TRAPPC9: variants seen among roughly 807,000 people sequenced by gnomAD.
TRAPPC9 encodes the protein trafficking protein particle complex subunit 9, also known as IKK2 binding protein.
In TRAPPC9, 83 loss-of-function variants were observed where a neutral mutation model predicts 124.0. The observed-to-expected ratio is 0.67, with a 90% CI of 0.56 to 0.80. The LOEUF (loss-of-function observed/expected upper bound fraction) is 0.80. TRAPPC9 is among the 30% of genes least tolerant of loss of function. The pLI, the probability that TRAPPC9 is intolerant of heterozygous loss-of-function variation, is 0.00. For missense variants in TRAPPC9, 1,302 were observed against 1,508.3 expected (o/e 0.86, Z 2.27); for synonymous variants, 638 against 617.5 (o/e 1.03, Z -0.49).
chr8:140,135,179 GA>G, intron 17 of TRAPPC9, among the ~76,000 whole-genome samples: 1 of 152,284 alleles, frequency 6.6e-6, no homozygotes, highest in East Asian at 1.9e-4. Context: ...GTGCTGGGGG[GA>G]TGTCGAGAAA....
chr8:139,930,824 G>A (rs957686), intron 19 of TRAPPC9, among the ~76,000 whole-genome samples: 15,898 of 152,222 alleles, frequency 0.1, 1,752 homozygotes, highest in African/African-American at 0.28. Context: ...AGGCGAAAAC[G>A]GGGCCACCCA....
intron 3 of TRAPPC9, among the ~76,000 whole-genome samples, chr8:140,438,129 A>C (rs948035522): frequency 6.6e-6 from 1 of 152,170 alleles, no homozygotes; most frequent in Non-Finnish European, 1.5e-5. Flanking sequence ...TCACCCCAGA[A>C]AGAAACCTTA....
intron 2 of TRAPPC9, among the ~76,000 whole-genome samples, chr8:140,449,708 G>A (rs916362448): frequency 3.3e-5 from 5 of 152,170 alleles, no homozygotes; most frequent in Admixed American, 6.5e-5. Context: ...TGAGGAATTC[G>A]ACACTGTGGC....
At chr8:139,932,263 G>T (rs1197224043) in intron 19 of TRAPPC9, 1 of 453,548 alleles carries the variant, frequency 2.2e-6, no homozygotes, top group Non-Finnish European at 4.5e-6. Context: ...CCGCACCACG[G>T]GGCCTCGCTC....
chr8:139,750,094 G>C (rs752496794), intron 21 of TRAPPC9, among the ~76,000 whole-genome samples: 3 of 152,166 alleles, frequency 2.0e-5, no homozygotes, highest in African/African-American at 7.2e-5. Flanking sequence ...GCTGGATACA[G>C]GAGGGTCCAC....
At chr8:140,239,645 C>G (rs981920332) in intron 16 of TRAPPC9, among the ~76,000 whole-genome samples, 1 of 152,192 alleles carries the variant, frequency 6.6e-6, no homozygotes, top group African/African-American at 2.4e-5. Flanking sequence ...ACACCTACAC[C>G]AACACACCGT....
intron 21 of TRAPPC9, among the ~76,000 whole-genome samples, chr8:139,827,627 G>A (rs907646427): frequency 1.3e-5 from 2 of 152,228 alleles, no homozygotes; most frequent in South Asian, 2.1e-4. Context: ...CTGCGTGCCC[G>A]CACGTGACTG....
intron 19 of TRAPPC9, among the ~76,000 whole-genome samples, chr8:139,985,252 C>T (rs1418301529): frequency 6.6e-6 from 1 of 152,220 alleles, no homozygotes; most frequent in African/African-American, 2.4e-5. Context: ...GTCAAGCTTA[C>T]TATACAGGAC....
intron 14 of TRAPPC9, among the ~76,000 whole-genome samples, chr8:140,276,932 G>A (rs1057455300): frequency 3.9e-5 from 6 of 152,058 alleles, no homozygotes; most frequent in African/African-American, 9.7e-5. Context: ...AGCCAACATC[G>A]TGTGCTTAGT....
At chr8:140,441,697 TG>T (rs1450500396) in intron 2 of TRAPPC9, among the ~76,000 whole-genome samples, 1 of 151,910 alleles carries the variant, frequency 6.6e-6, no homozygotes, top group Non-Finnish European at 1.5e-5. Flanking sequence ...CCCAAGTAAC[TG>T]GGACTACAGG....
intron 17 of TRAPPC9, among the ~76,000 whole-genome samples, chr8:140,153,969 T>G (rs1229376530): frequency 6.6e-6 from 1 of 152,174 alleles, no homozygotes; most frequent in Admixed American, 6.5e-5. Context: ...CACCCTTCCC[T>G]ACTATTTACC....
chr8:140,335,361 G>C (rs1037922381), intron 9 of TRAPPC9, among the ~76,000 whole-genome samples: 8 of 152,096 alleles, frequency 5.3e-5, no homozygotes, highest in Admixed American at 1.3e-4. Flanking sequence ...CCACATGAGA[G>C]AAACTCAGGC....
At chr8:140,417,091 C>T (rs572898046) in intron 5 of TRAPPC9, among the ~76,000 whole-genome samples, 22 of 152,280 alleles carry the variant, frequency 1.4e-4, no homozygotes, top group Middle Eastern at 6.8e-3. Flanking sequence ...AAGACTTAAA[C>T]GTAGGACCTA....
chr8:140,065,646 A>G (rs564928241), intron 17 of TRAPPC9, among the ~76,000 whole-genome samples: 1 of 152,358 alleles, frequency 6.6e-6, no homozygotes, highest in Admixed American at 6.5e-5. Context: ...GGAATAACAA[A>G]GCCTGGATGA....
At chr8:140,094,632 G>C (rs982671092) in intron 17 of TRAPPC9, among the ~76,000 whole-genome samples, 1 of 152,122 alleles carries the variant, frequency 6.6e-6, no homozygotes, top group African/African-American at 2.4e-5. Flanking sequence ...GGGAAGGAGA[G>C]GGAAGTCCTC....
intron 15 of TRAPPC9, among the ~76,000 whole-genome samples, chr8:140,273,150 G>C (rs1172449667): frequency 1.3e-5 from 2 of 152,308 alleles, no homozygotes; most frequent in East Asian, 3.9e-4. Context: ...CCGGAGCCGG[G>C]ACACTCCTCT....
chr8:140,190,033 G>C (rs1015006096), intron 17 of TRAPPC9, among the ~76,000 whole-genome samples: 1 of 152,158 alleles, frequency 6.6e-6, no homozygotes, highest in Non-Finnish European at 1.5e-5. Context: ...GTGATCAACC[G>C]AACTGAGAAA....
chr8:140,159,036 C>T (rs2061701328), intron 17 of TRAPPC9, among the ~76,000 whole-genome samples: 1 of 152,224 alleles, frequency 6.6e-6, no homozygotes, highest in African/African-American at 2.4e-5. Context: ...AAGACAGAGT[C>T]TCTGCCCTTG....
At chr8:140,384,668 G>A (rs1187548824) in intron 7 of TRAPPC9, among the ~76,000 whole-genome samples, 4 of 152,162 alleles carry the variant, frequency 2.6e-5, no homozygotes, top group African/African-American at 4.8e-5. Context: ...GATTCATAAA[G>A]CAAGTCTTCA....
Sources: gnomAD v4.1 joint callset for allele counts (sites outside exome capture counted in the v4.1 genomes callset) on GRCh38, gnomAD v4.1.1 for gene constraint, MANE v1.5 for transcripts, NCBI Gene and HGNC (gene_info 2026-07-23, HGNC 2026-07-21) for gene names.